Variants in MYO1B observed in about 807,000 individuals in gnomAD.
MYO1B encodes unconventional myosin-Ib.
Under a neutral mutation model 159.7 loss-of-function variants are expected in MYO1B, and 72 were observed. The observed-to-expected ratio is 0.45, with a 90% CI of 0.37 to 0.55. The LOEUF (loss-of-function observed/expected upper bound fraction) is 0.55, where lower values mean the gene tolerates loss of function less well. MYO1B is among the 20% of genes least tolerant of loss of function. The pLI, the probability that MYO1B is intolerant of heterozygous loss-of-function variation, is 0.00. For synonymous variants in MYO1B, 468 were observed against 473.8 expected, an observed-to-expected ratio of 0.99 and a Z score of 0.16; for missense variants, 1,062 against 1,364.8, an observed-to-expected ratio of 0.78 and a Z score of 3.50.
intron 5 of MYO1B, among the ~76,000 whole-genome samples, chr2:191,341,841 T>G (rs1163103089): frequency 6.6e-6 from 1 of 152,238 alleles, no homozygotes; most frequent in Admixed American, 6.5e-5. Context: ...TGATTAAAAA[T>G]AATCAACTGA....
chr2:191,289,381 T>C (rs1330101784), intron 2 of MYO1B, among the ~76,000 whole-genome samples: 2 of 152,212 alleles, frequency 1.3e-5, no homozygotes, highest in Non-Finnish European at 2.9e-5. Flanking sequence ...AATGTGGTCG[T>C]ATCACTTAAC....
chr2:191,411,760 C>A (rs1697263015), intron 27 of MYO1B, among the ~76,000 whole-genome samples: 1 of 152,116 alleles, frequency 6.6e-6, no homozygotes, highest in South Asian at 2.1e-4. Context: ...AGAAGGAACA[C>A]CAATCCCAAG....
chr2:191,393,898 T>C (rs566198656), intron 20 of MYO1B, among the ~76,000 whole-genome samples: 1 of 152,318 alleles, frequency 6.6e-6, no homozygotes, highest in South Asian at 2.1e-4. Context: ...TCAGGGTTAA[T>C]TGAAACTTGG....
At chr2:191,295,849 G>A (rs899111599) in intron 2 of MYO1B, among the ~76,000 whole-genome samples, 4 of 152,044 alleles carry the variant, frequency 2.6e-5, no homozygotes, top group African/African-American at 9.7e-5. Flanking sequence ...CTCTTACCGA[G>A]AACCGTAAAT....
Position 191,390,067 on chromosome 2 carries a change from G to A in MYO1B, c.1782-225G>A, listed in dbSNP as rs552584625. ...GTCAGTGATACTTATCCACATTATT[G>A]CATTTATTAGTGTGTTCTTTTTAAA... On this transcript the variant is annotated intron_variant, in intron 17 of 30. Coordinates refer to ENST00000392318, the MANE Select transcript of MYO1B (RefSeq NM_001130158.3). Among the ~76,000 whole-genome samples the A allele has an allele frequency of 3.9e-5, 6 of 152,228 alleles. No individual in the cohort carries two copies. In the South Asian group the frequency reaches 1.2e-3, roughly 32 times the overall value.
In MYO1B at chr2:191,424,142, T is replaced by C. The variant is rs1698110099; in HGVS notation, c.*182T>C. On this transcript the variant is annotated 3_prime_UTR_variant, in exon 31 of 31. Coordinates refer to ENST00000392318, the MANE Select transcript of MYO1B (RefSeq NM_001130158.3). ...GAATAGTTTTAACCTTTCAAATACATGTTCTGTCCTGGAGCAGGATTGTAG... is the reference window on the plus strand; with the variant it reads ...GAATAGTTTTAACCTTTCAAATACACGTTCTGTCCTGGAGCAGGATTGTAG... 3.4e-5 allele frequency: 23 copies of C among 675,386 alleles called. No homozygotes were observed. In the South Asian group the frequency reaches 5.1e-4, roughly 15 times the overall value. The allele number at this position is 675,386 out of a possible 1,614,324, so 41.8% of individuals were successfully genotyped here.
chr2:191,265,855 A>G (rs927009414), intron 1 of MYO1B, among the ~76,000 whole-genome samples: 22 of 152,102 alleles, frequency 1.4e-4, no homozygotes, highest in African/African-American at 4.3e-4. Flanking sequence ...TAGCTCATTA[A>G]TTCTCCAGTC....
intron 4 of MYO1B, among the ~76,000 whole-genome samples, chr2:191,333,004 C>T (rs1270827770): frequency 6.6e-6 from 1 of 152,110 alleles, no homozygotes; most frequent in Non-Finnish European, 1.5e-5. Context: ...ATGTACTAAT[C>T]CAAGGAGCCA....
chr2:191,306,917 C>A (rs901569931), intron 3 of MYO1B, among the ~76,000 whole-genome samples: 1 of 152,142 alleles, frequency 6.6e-6, no homozygotes, highest in Non-Finnish European at 1.5e-5. Flanking sequence ...TCCCCCAGCA[C>A]CAACCAGTTA....
chr2:191,355,927 G>T (rs1362358514), intron 7 of MYO1B, among the ~76,000 whole-genome samples: 1 of 152,028 alleles, frequency 6.6e-6, no homozygotes, highest in East Asian at 1.9e-4. Context: ...TTTAATTTAC[G>T]ACACAATTGG....
At chr2:191,345,326 A>G (rs1692496508) in intron 5 of MYO1B, among the ~76,000 whole-genome samples, 2 of 152,206 alleles carry the variant, frequency 1.3e-5, no homozygotes, top group Admixed American at 1.3e-4. Context: ...AGTGTCAAAC[A>G]GGGATCGCCT....
At chr2:191,326,214 A>G (rs778011469) in intron 3 of MYO1B, among the ~76,000 whole-genome samples, 7 of 152,176 alleles carry the variant, frequency 4.6e-5, no homozygotes, top group Admixed American at 3.3e-4. Context: ...GACTTCTCTA[A>G]AGATTTATTT....
intron 1 of MYO1B, among the ~76,000 whole-genome samples, chr2:191,273,176 T>A (rs1456769570): frequency 1.3e-5 from 2 of 152,168 alleles, no homozygotes; most frequent in Non-Finnish European, 2.9e-5. Flanking sequence ...TGGAGTGCAG[T>A]GGTGCAATCT....
intron 30 of MYO1B, 69 bp from the exon 31 acceptor site, chr2:191,423,768 A>G: frequency 1.3e-6 from 2 of 1,524,802 alleles, no homozygotes; most frequent in Non-Finnish European, 1.8e-6. Context: ...TTAAAATACA[A>G]AAGCAAGTGT....
At position 191,409,036 on chromosome 2, in the gene MYO1B, CA is replaced by C; in HGVS notation, c.2632-6del. 1 of 1,606,844 alleles carries C rather than the reference CA, an allele frequency of 6.2e-7. No individual in the cohort carries two copies. Among genetic ancestry groups the C allele is most frequent in the South Asian group, 1.1e-5 (1 of 88,808 alleles). ...CCTCATGTAGTATTTTCTGTCAACC[CA>C]ACACAGGTGCAAAAATACTTCTTGG... On this transcript the variant is annotated splice_polypyrimidine_tract_variant and splice_region_variant and intron_variant, in intron 25 of 30. Transcript: ENST00000392318.
intron 9 of MYO1B, 172 bp from the exon 10 acceptor site, chr2:191,363,556 G>A: frequency 5.1e-6 from 2 of 395,462 alleles, no homozygotes; most frequent in Non-Finnish European, 6.9e-6. Context: ...CCCCGCCACA[G>A]CACCAGAGGT....
At chr2:191,373,223 G>A (rs1241478930) in intron 13 of MYO1B, among the ~76,000 whole-genome samples, 1 of 152,094 alleles carries the variant, frequency 6.6e-6, no homozygotes, top group African/African-American at 2.4e-5. Flanking sequence ...TTCTCAAATG[G>A]CTGTGCATTG....
At chr2:191,406,512 C>T (rs979031638) in intron 24 of MYO1B, among the ~76,000 whole-genome samples, 8 of 152,114 alleles carry the variant, frequency 5.3e-5, no homozygotes, top group African/African-American at 1.9e-4. Context: ...CACTGAGAAG[C>T]CATTGTAGGA....
chr2:191,423,892 C>G lies in MYO1B; in HGVS notation c.3343C>G (p.Gln1115Glu). Residue 1115 changes from glutamine (Q) to glutamate (E), a missense_variant, in exon 31 of 31, where the codon CAG becomes GAG. Gln to Glu is a conservative substitution (Grantham distance 29, BLOSUM62 2). This residue lies in a region of MYO1B where 609 missense variants were observed against 744.4 expected (regional missense o/e 0.82). Coordinates refer to ENST00000392318, the MANE Select transcript of MYO1B (RefSeq NM_001130158.3). ...ATGTGTGAAGTTTATTCAGGGAAAC[C>G]AGAAAAATGGGAGTGTCCCAACATG... is the stretch of plus-strand genomic sequence containing the variant. ...KVCVKFIQGN[Q>E]KNGSVPTCKR... 1.9e-6 allele frequency: 3 copies of G among 1,613,838 alleles called. No individual in the cohort carries two copies. The highest frequency in any genetic ancestry group is 2.5e-6 in the Non-Finnish European group (3 of 1,179,860).
Sources: gnomAD v4.1 joint callset for allele counts (sites outside exome capture counted in the v4.1 genomes callset) on GRCh38, gnomAD v4.1.1 for gene constraint, gnomAD v4.1.1 regional missense constraint, MANE v1.5 for transcripts, NCBI Gene and HGNC (gene_info 2026-07-23, HGNC 2026-07-21) for gene names.